ABCC3: variants seen among roughly 807,000 people sequenced by gnomAD.
ABCC3 encodes the protein ATP binding cassette subfamily C member 3, also known as ATP-binding cassette sub-family C member 3.
ABCC3 carries 121 observed loss-of-function variants against 165.3 expected under a neutral mutation model. That is an observed-to-expected ratio of 0.73 (90% CI 0.63 to 0.85). The LOEUF (loss-of-function observed/expected upper bound fraction) is 0.85, where lower values mean the gene tolerates loss of function less well. Ranked by LOEUF, ABCC3 falls within the 40% of genes least tolerant of loss-of-function variation. The pLI, the probability that ABCC3 is intolerant of heterozygous loss-of-function variation, is 0.00. For missense variants in ABCC3, 1,869 were observed against 1,964.1 expected, an observed-to-expected ratio of 0.95 and a Z score of 0.92; for synonymous variants, 733 against 810.1, an observed-to-expected ratio of 0.90 and a Z score of 1.62.
intron 23 of ABCC3, 80 bp downstream of exon 23, chr17:50,676,668 G>A (rs2146634404): frequency 2.7e-6 from 2 of 749,722 alleles, no homozygotes; most frequent in Non-Finnish European, 2.1e-6. Flanking sequence ...GCAGGGGTGG[G>A]ACACTTCAGG....
chr17:50,666,627 A>C (rs189191594), intron 11 of ABCC3, among the ~76,000 whole-genome samples: 78 of 152,290 alleles, frequency 5.1e-4, no homozygotes, highest in Admixed American at 1.6e-3. Context: ...TATTCAGATC[A>C]TTGTTTGCTT....
chr17:50,655,861 C>T lies in ABCC3; in HGVS notation c.75C>T (p.Asn25=), dbSNP rs373449095. 1.9e-6 allele frequency: 3 copies of T among 1,613,920 alleles called. No homozygotes were observed. The highest frequency in any genetic ancestry group is 2.5e-6 in the Non-Finnish European group (3 of 1,179,984). Residue 25 remains asparagine (N), a synonymous_variant, in exon 2 of 31, where the codon AAC becomes AAT. Transcript: ENST00000285238. ...WDSNLSVHTE[N]PDLTPCFQNS... ...CCAACCTGTCTGTGCACACAGAAAA[C>T]CCGGACCTCACTCCCTGCTTCCAGA...
Position 50,668,418 on chromosome 17 carries a change from A to G in ABCC3, c.1783-12A>G. The G allele has an allele frequency of 6.2e-7, 1 of 1,612,442 alleles. No homozygotes were observed. Among genetic ancestry groups the G allele is most frequent in the South Asian group, 1.1e-5 (1 of 91,048 alleles). On this transcript the variant is annotated splice_polypyrimidine_tract_variant and intron_variant, in intron 13 of 30. Coordinates refer to ENST00000285238, the MANE Select transcript of ABCC3 (RefSeq NM_003786.4). ...AGTACAGTCTCTAGGGCTGACTCAC[A>G]TCCTCCCGTAGGCCAGTGTGTCTCT...
chr17:50,665,766 CG>C (rs1967512897), intron 11 of ABCC3, among the ~76,000 whole-genome samples: 1 of 150,510 alleles, frequency 6.6e-6, no homozygotes, highest in African/African-American at 2.4e-5. Context: ...CCACCACACC[CG>C]GCTTATTTTT....
rs754322133 is a variant in ABCC3, at chr17:50,659,330, G to A, written c.768G>A (p.Leu256=). The change falls in exon 7 of 31, where the codon CTG becomes CTA. Residue 256 remains leucine, a synonymous_variant. Coordinates refer to ENST00000285238, the MANE Select transcript of ABCC3 (RefSeq NM_003786.4). ...EDRSQMVVQQ[L]LEAWRKQEKQ... ...GATCCCAGATGGTGGTGCAGCAGCTGCTGGAGGCATGGAGGAAGCAGGAAA... is the reference window on the plus strand; with the variant it reads ...GATCCCAGATGGTGGTGCAGCAGCTACTGGAGGCATGGAGGAAGCAGGAAA... The A allele has an allele frequency of 5.0e-6, 8 of 1,613,042 alleles. No homozygotes were observed. Among genetic ancestry groups the A allele is most frequent in the Non-Finnish European group, 6.8e-6 (8 of 1,179,182 alleles).
intron 6 of ABCC3, 89 bp from the exon 7 acceptor site, chr17:50,659,148 C>G (rs751829349): frequency 6.6e-7 from 1 of 1,517,900 alleles, no homozygotes; most frequent in African/African-American, 1.4e-5. Context: ...TCTGGAGACC[C>G]TGGGGCCCTG....
intron 1 of ABCC3, among the ~76,000 whole-genome samples, chr17:50,654,654 C>T (rs1159315171): frequency 6.6e-6 from 1 of 152,070 alleles, no homozygotes; most frequent in Admixed American, 6.6e-5. Context: ...ACAGGTGGGC[C>T]GGTGGATGGT....
chr17:50,665,266 A>C (rs755985926), intron 11 of ABCC3, 21 bp downstream of exon 11: 2 of 1,610,930 alleles, frequency 1.2e-6, no homozygotes, highest in Non-Finnish European at 8.5e-7. Context: ...TCAGAGGTGC[A>C]TCCTCCTGCC....
chr17:50,690,266 C>T (rs1405177984), intron 30 of ABCC3, among the ~76,000 whole-genome samples: 2 of 148,952 alleles, frequency 1.3e-5, no homozygotes, highest in African/African-American at 2.5e-5. Flanking sequence ...CATGGGAGAG[C>T]ATTCAGTCCT....
Position 50,676,550 on chromosome 17 carries a change from G to A in ABCC3, c.3340G>A (p.Val1114Ile), listed in dbSNP as rs1967816105. The stretch of plus-strand genomic sequence containing the variant: ...GGCCAGCACGCCGCTCTTCACTGTG[G>A]TCATCCTGCCCCTGGCTGTGCTCTA... ...IMASTPLFTV[V>I]ILPLAVLYTL... The change falls in exon 23 of 31, where the codon GTC (valine) becomes ATC (isoleucine). Residue 1114 changes from valine to isoleucine, a missense_variant. Transcript: ENST00000285238. 6.2e-7 allele frequency: 1 copy of A among 1,613,290 alleles called. No individual in the cohort carries two copies. The highest frequency in any genetic ancestry group is 1.7e-5 in the Admixed American group (1 of 59,976).
At chr17:50,642,577 T>C (rs900136665) in intron 1 of ABCC3, among the ~76,000 whole-genome samples, 17 of 152,168 alleles carry the variant, frequency 1.1e-4, no homozygotes, top group African/African-American at 4.1e-4. Flanking sequence ...TCCCTCACCT[T>C]CTCCCCGCTG....
intron 8 of ABCC3, 115 bp downstream of exon 8, chr17:50,661,229 G>A: frequency 1.8e-6 from 2 of 1,130,810 alleles, no homozygotes; most frequent in Non-Finnish European, 1.2e-6. Flanking sequence ...AACCAGGGAG[G>A]CTAGCTCCAC....
chr17:50,681,766 A>G (rs1967932901), intron 26 of ABCC3, among the ~76,000 whole-genome samples: 1 of 152,054 alleles, frequency 6.6e-6, no homozygotes, highest in East Asian at 1.9e-4. Flanking sequence ...GTTCTCGTCT[A>G]ATTCAACCTC....
At chr17:50,670,171 C>A (rs145230349) in intron 17 of ABCC3, among the ~76,000 whole-genome samples, 7 of 152,180 alleles carry the variant, frequency 4.6e-5, no homozygotes, top group African/African-American at 7.2e-5. Flanking sequence ...CAACCTCCAC[C>A]TCCCGGGTTC....
intron 1 of ABCC3, among the ~76,000 whole-genome samples, chr17:50,655,422 C>CA (rs1167212650): frequency 1.7e-4 from 19 of 113,942 alleles, no homozygotes; most frequent in African/African-American, 3.0e-4. Context: ...AAAAAAAAAA[C>CA]AAAAACAAAA....
intron 19 of ABCC3, among the ~76,000 whole-genome samples, chr17:50,673,972 CTT>C (rs1567835532): frequency 0.01 from 155 of 15,040 alleles, 12 homozygotes; most frequent in South Asian, 0.043. Context: ...TTCTTTCTTT[CTT>C]TCTTTCTCTC....
chr17:50,665,417 T>G (rs1004183602), intron 11 of ABCC3, among the ~76,000 whole-genome samples, 172 bp downstream of exon 11: 3 of 152,190 alleles, frequency 2.0e-5, no homozygotes, highest in African/African-American at 7.2e-5. Flanking sequence ...TCAGAGGGTT[T>G]TACTGACATT....
At chr17:50,640,618 A>G (rs553175745) in intron 1 of ABCC3, among the ~76,000 whole-genome samples, 2 of 152,214 alleles carry the variant, frequency 1.3e-5, no homozygotes, top group Non-Finnish European at 2.9e-5. Flanking sequence ...TCCCAGGTTC[A>G]AACAATTATC....
chr17:50,677,976 C>T, intron 24 of ABCC3, 33 bp downstream of exon 24: 3 of 1,614,034 alleles, frequency 1.9e-6, no homozygotes, highest in Non-Finnish European at 2.5e-6. Flanking sequence ...CCCTGCTCCT[C>T]CAGGAATTCC....
Sources: allele counts gnomAD v4.1 joint callset (sites outside exome capture counted in the v4.1 genomes callset), GRCh38; gene constraint gnomAD v4.1.1; transcripts MANE v1.5; gene names NCBI Gene and HGNC (gene_info 2026-07-23, HGNC 2026-07-21).